Variants in PTPRE observed in about 807,000 individuals in gnomAD.
PTPRE encodes the protein protein tyrosine phosphatase receptor type E.
A neutral mutation model predicts 102.0 loss-of-function variants in PTPRE; 51 were observed. That is an observed-to-expected ratio of 0.50 (90% CI 0.40 to 0.63). The LOEUF (loss-of-function observed/expected upper bound fraction) is 0.63, where lower values mean the gene tolerates loss of function less well. Ranked by LOEUF, PTPRE falls within the 30% of genes least tolerant of loss-of-function variation. PTPRE has a pLI of 0.00. For missense variants in PTPRE, 752 were observed against 915.1 expected (o/e 0.82, Z 2.30); for synonymous variants, 345 against 348.2 (o/e 0.99, Z 0.10).
intron 1 of PTPRE, among the ~76,000 whole-genome samples, chr10:127,916,074 AG>A (rs1270116941): frequency 6.6e-6 from 1 of 151,592 alleles, no homozygotes; most frequent in Non-Finnish European, 1.5e-5. Context: ...ACTCACTTCC[AG>A]GGAGTGTTAA....
At chr10:128,012,172 AGCC>A (rs1275350496) in intron 2 of PTPRE, among the ~76,000 whole-genome samples, 1 of 151,968 alleles carries the variant, frequency 6.6e-6, no homozygotes, top group Non-Finnish European at 1.5e-5. Flanking sequence ...CAAGATTGTG[AGCC>A]CAGGTGTGAA....
chr10:127,948,359 G>A (rs781250359), intron 1 of PTPRE, among the ~76,000 whole-genome samples: 12 of 152,116 alleles, frequency 7.9e-5, no homozygotes, highest in African/African-American at 1.9e-4. Context: ...TATCCTACAC[G>A]TCATCATCAC....
intron 7 of PTPRE, among the ~76,000 whole-genome samples, chr10:128,059,938 GCACA>G (rs149583079): frequency 6.0e-5 from 9 of 149,484 alleles, no homozygotes; most frequent in South Asian, 2.1e-4. Context: ...CACACTACAT[GCACA>G]CACACACACA....
chr10:128,026,137 G>A (rs1049847639), intron 2 of PTPRE, among the ~76,000 whole-genome samples: 4 of 152,168 alleles, frequency 2.6e-5, no homozygotes, highest in African/African-American at 9.7e-5. Context: ...GGCCCAGGTG[G>A]GCCCCAGGCT....
At position 128,063,141 on chromosome 10, in the gene PTPRE, G is replaced by C. The variant is rs764329105; in HGVS notation, c.684G>C (p.Ala228=). ...FWRMVWEQKS[A]TIVMLTNLKE... ...GAATGGTCTGGGAGCAAAAGTCTGC[G>C]ACCATCGTCATGTTAACAAACTTGA... is the stretch of plus-strand genomic sequence containing the variant. Residue 228 remains alanine (A), a synonymous_variant, in exon 10 of 21, where the codon GCG becomes GCC. Coordinates refer to ENST00000254667, the MANE Select transcript of PTPRE (RefSeq NM_006504.6). 4 of 1,614,218 alleles carry C rather than the reference G, an allele frequency of 2.5e-6. No homozygotes were observed. The highest frequency in any genetic ancestry group is 1.1e-5 in the South Asian group (1 of 91,068).
At chr10:128,019,963 C>T (rs1010782098) in intron 2 of PTPRE, among the ~76,000 whole-genome samples, 16 of 151,876 alleles carry the variant, frequency 1.1e-4, no homozygotes, top group African/African-American at 3.6e-4. Flanking sequence ...CCCAGAGTCC[C>T]TCAGGTTGGT....
intron 2 of PTPRE, among the ~76,000 whole-genome samples, chr10:128,035,396 C>A (rs1045311017): frequency 1.3e-5 from 2 of 152,098 alleles, no homozygotes; most frequent in Non-Finnish European, 2.9e-5. Flanking sequence ...AAAATCAAAT[C>A]ATTGGTCAAT....
chr10:127,971,442 C>T (rs1183192297), intron 1 of PTPRE, among the ~76,000 whole-genome samples: 1 of 152,176 alleles, frequency 6.6e-6, no homozygotes, highest in African/African-American at 2.4e-5. Flanking sequence ...CTTAGCTCTC[C>T]ACACTATGTG....
chr10:128,040,704 T>C (rs1847615459), intron 2 of PTPRE, among the ~76,000 whole-genome samples, 171 bp from the exon 3 acceptor site: 1 of 152,154 alleles, frequency 6.6e-6, no homozygotes, highest in South Asian at 2.1e-4. Flanking sequence ...TGTATCCCCC[T>C]GGTGTTGAGA....
chr10:128,056,806 GTGCGGGGGTGCGTCTCGGTGACC>G (rs1193529765), intron 7 of PTPRE, among the ~76,000 whole-genome samples: 1 of 152,124 alleles, frequency 6.6e-6, no homozygotes, highest in Admixed American at 6.5e-5. Context: ...AGACGGATGT[GTGCGGGGGTGCGTCTCGGTGACC>G]TGCTCCAGCT....
At chr10:128,035,250 AG>A in intron 2 of PTPRE, among the ~76,000 whole-genome samples, 1 of 151,400 alleles carries the variant, frequency 6.6e-6, no homozygotes, top group Admixed American at 6.6e-5. Context: ...ATCCAAAAAA[AG>A]TTTTCTTAAA....
chr10:127,914,392 G>T (rs1403905277), intron 1 of PTPRE, among the ~76,000 whole-genome samples: 2 of 152,142 alleles, frequency 1.3e-5, no homozygotes, highest in Non-Finnish European at 2.9e-5. Context: ...GACACCGGTG[G>T]CCTGTTTTTC....
intron 17 of PTPRE, among the ~76,000 whole-genome samples, chr10:128,075,909 T>TTA (rs1851174304): frequency 6.6e-6 from 1 of 152,220 alleles, no homozygotes; most frequent in Admixed American, 6.5e-5. Context: ...TCTTATTGAT[T>TTA]TATAGGAGCT....
chr10:127,952,644 A>T (rs1021547647), intron 1 of PTPRE, among the ~76,000 whole-genome samples: 1 of 152,070 alleles, frequency 6.6e-6, no homozygotes, highest in African/African-American at 2.4e-5. Flanking sequence ...TACTCAGCCT[A>T]TAGGGAACCG....
intron 1 of PTPRE, among the ~76,000 whole-genome samples, chr10:127,958,873 T>C (rs1849586792): frequency 6.6e-6 from 1 of 151,626 alleles, no homozygotes; most frequent in Admixed American, 6.6e-5. Flanking sequence ...TCAATAGATA[T>C]AATTCTATTC....
intron 2 of PTPRE, among the ~76,000 whole-genome samples, chr10:128,001,830 C>T (rs779516536): frequency 2.6e-5 from 4 of 152,180 alleles, no homozygotes; most frequent in Admixed American, 1.3e-4. Flanking sequence ...TAAGAAAGCA[C>T]GCTGTCATCT....
chr10:127,976,805 T>C (rs2135445964), intron 1 of PTPRE, among the ~76,000 whole-genome samples: 2 of 152,318 alleles, frequency 1.3e-5, no homozygotes, highest in African/African-American at 4.8e-5. Context: ...AGCTTTACTG[T>C]TGCCTGGAAG....
intron 2 of PTPRE, among the ~76,000 whole-genome samples, chr10:128,023,623 T>C (rs1036092448): frequency 4.6e-5 from 7 of 152,230 alleles, no homozygotes; most frequent in African/African-American, 1.7e-4. Flanking sequence ...ATAGTATATC[T>C]GTGGCTTCAG....
At chr10:127,962,518 A>G (rs1437033733) in intron 1 of PTPRE, among the ~76,000 whole-genome samples, 4 of 152,156 alleles carry the variant, frequency 2.6e-5, no homozygotes, top group Non-Finnish European at 1.5e-5. Context: ...CTGAACGGGG[A>G]GGGGTCGATG....
Sources: allele counts gnomAD v4.1 joint callset (sites outside exome capture counted in the v4.1 genomes callset), GRCh38; gene constraint gnomAD v4.1.1; transcripts MANE v1.5; gene names NCBI Gene and HGNC (gene_info 2026-07-23, HGNC 2026-07-21).